Variants in SLC30A8 observed in about 807,000 individuals in gnomAD.
SLC30A8 encodes proton-coupled zinc antiporter SLC30A8.
Under a neutral mutation model 36.9 loss-of-function variants are expected in SLC30A8, and 27 were observed. The ratio of observed to expected loss-of-function variants is 0.73; its 90% CI spans 0.54 to 1.01. The LOEUF is 1.01. Ranked by LOEUF, SLC30A8 falls within the 50% of genes least tolerant of loss-of-function variation. The pLI, the probability that SLC30A8 is intolerant of heterozygous loss-of-function variation, is 0.00. For missense variants in SLC30A8, 439 were observed against 452.0 expected (o/e 0.97, Z 0.26); for synonymous variants, 164 against 172.4 (o/e 0.95, Z 0.38).
At chr8:116,984,259 C>T (rs763021306) in intron 1 of SLC30A8, among the ~76,000 whole-genome samples, 1 of 152,064 alleles carries the variant, frequency 6.6e-6, no homozygotes, top group Non-Finnish European at 1.5e-5. Flanking sequence ...ATTAATAAAG[C>T]TTCTATGAAT....
chr8:117,010,514 T>C (rs1224960403), intron 1 of SLC30A8, among the ~76,000 whole-genome samples: 3 of 152,214 alleles, frequency 2.0e-5, no homozygotes, highest in Admixed American at 2.0e-4. Flanking sequence ...TAGGCAACGG[T>C]CGAAAAGCAT....
At chr8:116,972,131 T>G (rs1814814965) in intron 1 of SLC30A8, among the ~76,000 whole-genome samples, 1 of 152,194 alleles carries the variant, frequency 6.6e-6, no homozygotes, top group South Asian at 2.1e-4. Context: ...TCAAAAATTT[T>G]TATTTTCTTC....
chr8:117,078,039 ATACCTTAACCAGT>A (rs1818545866), intron 2 of SLC30A8, among the ~76,000 whole-genome samples: 1 of 152,232 alleles, frequency 6.6e-6, no homozygotes, highest in Admixed American at 6.5e-5. Context: ...AATGTCAGGA[ATACCTTAACCAGT>A]TTATTTCTCT....
chr8:117,045,383 T>TA (rs1386154902), intron 2 of SLC30A8, among the ~76,000 whole-genome samples: 14 of 152,144 alleles, frequency 9.2e-5, no homozygotes, highest in Non-Finnish European at 1.9e-4. Flanking sequence ...TACCTTTTTT[T>TA]AAAAAAAGCA....
intron 2 of SLC30A8, among the ~76,000 whole-genome samples, chr8:117,059,658 G>A (rs114108344): frequency 4.7e-4 from 71 of 152,322 alleles, no homozygotes; most frequent in African/African-American, 1.4e-3. Context: ...TGTTGGTTTA[G>A]TTGGACGATA....
chr8:117,044,048 C>T (rs564127433), intron 2 of SLC30A8, among the ~76,000 whole-genome samples: 7 of 152,104 alleles, frequency 4.6e-5, no homozygotes, highest in South Asian at 4.1e-4. Context: ...ATGATGGAAG[C>T]GTAGGATGTG....
chr8:117,067,881 C>T (rs184268444), intron 2 of SLC30A8, among the ~76,000 whole-genome samples: 9 of 152,224 alleles, frequency 5.9e-5, no homozygotes, highest in Middle Eastern at 3.4e-3. Context: ...CCTAAATTGA[C>T]GGCAATTTAA....
At chr8:117,157,427 A>G (rs1449449810) in intron 3 of SLC30A8, among the ~76,000 whole-genome samples, 3 of 152,354 alleles carry the variant, frequency 2.0e-5, no homozygotes, top group East Asian at 1.9e-4. Context: ...GCAGGCAGCA[A>G]TTAATATGTT....
chr8:117,105,619 TG>T (rs1819960880), intron 2 of SLC30A8, among the ~76,000 whole-genome samples: 1 of 152,192 alleles, frequency 6.6e-6, no homozygotes, highest in Admixed American at 6.6e-5. Flanking sequence ...AGGATTTCTA[TG>T]TTGCAGTTTT....
chr8:117,116,287 A>C (rs1705379244), intron 2 of SLC30A8, among the ~76,000 whole-genome samples: 1 of 152,008 alleles, frequency 6.6e-6, no homozygotes, highest in South Asian at 2.1e-4. Context: ...AGTGGTTTTC[A>C]TGTTTTGATC....
intron 1 of SLC30A8, among the ~76,000 whole-genome samples, chr8:117,146,071 A>C (rs1821882443): frequency 6.6e-6 from 1 of 152,156 alleles, no homozygotes; most frequent in Non-Finnish European, 1.5e-5. Flanking sequence ...AGATGACTAT[A>C]GTTTGCAATT....
intron 2 of SLC30A8, among the ~76,000 whole-genome samples, chr8:117,064,421 T>C (rs1012256027): frequency 6.6e-6 from 1 of 152,180 alleles, no homozygotes; most frequent in Non-Finnish European, 1.5e-5. Flanking sequence ...TGTTGGTTAA[T>C]TTACCAGGAG....
Position 117,161,743 on chromosome 8 carries a change from CT to C in SLC30A8, c.579del (p.Val194TrpfsTer39), listed in dbSNP as rs1481296911. On this transcript the variant is annotated frameshift_variant, in exon 5 of 8. Transcript: ENST00000456015. LOFTEE classifies it high-confidence loss of function. ...AACATTGTTCTCTCTTTCAGACTAA[CT>C]GTGGTTTTGCACCAGAGATGCCTTG... ...SCAVAANIVLTVVLHQRCLGH... is the reference protein window; with the variant it reads ...SCAVAANIVLXVVLHQRCLGH... 6.2e-7 allele frequency: 1 copy of C among 1,613,058 alleles called. No homozygotes were observed. Among genetic ancestry groups the C allele is most frequent in the Non-Finnish European group, 8.5e-7 (1 of 1,179,366 alleles).
At chr8:117,156,032 TGAA>T (rs1325049985) in intron 3 of SLC30A8, among the ~76,000 whole-genome samples, 2 of 150,982 alleles carry the variant, frequency 1.3e-5, no homozygotes, top group Non-Finnish European at 3.0e-5. Flanking sequence ...TCTGAGGAAC[TGAA>T]GATTAGTACT....
At chr8:117,118,070 G>A (rs1820528516) in intron 2 of SLC30A8, among the ~76,000 whole-genome samples, 1 of 150,886 alleles carries the variant, frequency 6.6e-6, no homozygotes, top group Non-Finnish European at 1.5e-5. Flanking sequence ...CCAAAATTGT[G>A]TGATTACTCT....
chr8:117,091,641 A>G (rs999786569), intron 2 of SLC30A8, among the ~76,000 whole-genome samples: 1 of 152,196 alleles, frequency 6.6e-6, no homozygotes, highest in African/African-American at 2.4e-5. Flanking sequence ...AATCTGCTTT[A>G]AACCCTTGGG....
At chr8:116,987,407 G>A (rs112625120) in intron 1 of SLC30A8, among the ~76,000 whole-genome samples, 13 of 149,408 alleles carry the variant, frequency 8.7e-5, no homozygotes, top group Non-Finnish European at 7.4e-5. Flanking sequence ...AGACCTGCAC[G>A]TTGTGCACAT....
chr8:117,174,576 G>A lies in SLC30A8; in HGVS notation c.*1895G>A, dbSNP rs767378689. 6.6e-6 allele frequency: 1 copy of A among 152,546 alleles called. No individual in the cohort carries two copies. The highest frequency in any genetic ancestry group is 2.4e-5 in the African/African-American group (1 of 41,450). The allele number at this position is 152,546 out of a possible 1,614,324, so 9.4% of individuals were successfully genotyped here. ...TTATGCCAAATCACTTTTCCTGTCT[G>A]AAGGACCACTGAATGGTTTTGTTTT... On this transcript the variant is annotated 3_prime_UTR_variant, in exon 8 of 8. Coordinates refer to ENST00000456015, the MANE Select transcript of SLC30A8 (RefSeq NM_173851.3).
chr8:117,159,881 T>TAAAC (rs1034968051), intron 4 of SLC30A8, among the ~76,000 whole-genome samples: 1 of 152,240 alleles, frequency 6.6e-6, no homozygotes, highest in Admixed American at 6.5e-5. Context: ...TTTGATTTTC[T>TAAAC]AAACAGATAT....
Sources: allele counts gnomAD v4.1 joint callset (sites outside exome capture counted in the v4.1 genomes callset), GRCh38; gene constraint gnomAD v4.1.1; transcripts MANE v1.5; gene names NCBI Gene and HGNC (gene_info 2026-07-23, HGNC 2026-07-21).